Variants in RAB27B observed in about 807,000 individuals in gnomAD.
RAB27B encodes ras-related protein Rab-27B.
A neutral mutation model predicts 24.6 loss-of-function variants in RAB27B; 15 were observed. The ratio of observed to expected loss-of-function variants is 0.61; its 90% CI spans 0.41 to 0.94. The LOEUF (loss-of-function observed/expected upper bound fraction) is 0.94. Among genes scored for constraint, RAB27B ranks in the 40% least tolerant of loss-of-function variants. RAB27B has a pLI of 0.00. For synonymous variants in RAB27B, 105 were observed against 92.5 expected, an observed-to-expected ratio of 1.14 and a Z score of -0.78; for missense variants, 261 against 266.8, an observed-to-expected ratio of 0.98 and a Z score of 0.15.
At chr18:54,873,993 T>C (rs1379014120) in intron 1 of RAB27B, among the ~76,000 whole-genome samples, 1 of 152,138 alleles carries the variant, frequency 6.6e-6, no homozygotes, top group African/African-American at 2.4e-5. Context: ...TGGGCCACAG[T>C]GGAATTGATT....
upstream of RAB27B, among the ~76,000 whole-genome samples, chr18:54,825,673 G>A (rs140041689): frequency 1.3e-4 from 20 of 152,118 alleles, no homozygotes; most frequent in East Asian, 3.9e-3. Context: ...AGTTCATCTT[G>A]TTGAACCACA....
chr18:54,760,067 G>T (rs1390410619), intron 2 of RAB27B, among the ~76,000 whole-genome samples: 1 of 152,150 alleles, frequency 6.6e-6, no homozygotes, highest in Non-Finnish European at 1.5e-5. Context: ...AGCTAAAAGA[G>T]CACACTGTAA....
At chr18:54,860,198 A>G (rs978684105) in intron 1 of RAB27B, among the ~76,000 whole-genome samples, 6 of 152,236 alleles carry the variant, frequency 3.9e-5, no homozygotes, top group African/African-American at 1.4e-4. Flanking sequence ...TCGCGACTGC[A>G]GATAAACATC....
chr18:54,885,902 CAGG>C (rs1236611703), intron 4 of RAB27B: 1 of 153,692 alleles, frequency 6.5e-6, no homozygotes, highest in East Asian at 1.9e-4. Context: ...TCTGACATAG[CAGG>C]AGCAGCAAGT....
chr18:54,770,688 G>A (rs1908516381), intron 2 of RAB27B, among the ~76,000 whole-genome samples: 1 of 151,876 alleles, frequency 6.6e-6, no homozygotes, highest in Non-Finnish European at 1.5e-5. Context: ...TTCGGGGACC[G>A]CTACTCTTTG....
At chr18:54,746,558 T>C (rs1433293521) in intron 2 of RAB27B, among the ~76,000 whole-genome samples, 1 of 152,238 alleles carries the variant, frequency 6.6e-6, no homozygotes, top group African/African-American at 2.4e-5. Flanking sequence ...ATTGTTTTTA[T>C]GTAGTTAACA....
chr18:54,804,884 C>A (rs78537040), intron 2 of RAB27B, among the ~76,000 whole-genome samples: 28,779 of 63,460 alleles, frequency 0.45, 3,573 homozygotes, highest in South Asian at 0.52. Flanking sequence ...TTTTTTCTTT[C>A]TTTCTTTCTC....
rs1909887725 is a variant in RAB27B, at chr18:54,809,216, A to G, written c.-19-68351A>G. 1.3e-5 allele frequency among the ~76,000 whole-genome samples: 2 copies of G among 152,218 alleles called. 1 individual carries two copies. On this transcript the variant is annotated intron_variant, in intron 2 of 4. Transcript: ENST00000586570. Reference sequence around the variant, plus strand: ...GACATATTGTTGTTAGATAGGACACATGACTTGCTCTGAACAGTGGTACGT... The same window carrying G: ...GACATATTGTTGTTAGATAGGACACGTGACTTGCTCTGAACAGTGGTACGT...
At chr18:54,887,417 G>A (rs1245320331) in intron 4 of RAB27B, among the ~76,000 whole-genome samples, 2 of 151,928 alleles carry the variant, frequency 1.3e-5, no homozygotes, top group Non-Finnish European at 2.9e-5. Flanking sequence ...TGTATTATTA[G>A]AAGATATGCT....
chr18:54,736,772 A>T (rs1362802886), intron 2 of RAB27B, among the ~76,000 whole-genome samples: 2 of 152,156 alleles, frequency 1.3e-5, no homozygotes, highest in African/African-American at 4.8e-5. Flanking sequence ...CAGGAAGGAG[A>T]TATCATGTAG....
chr18:54,843,213 A>G (rs1911186954), intron 1 of RAB27B, among the ~76,000 whole-genome samples: 1 of 152,216 alleles, frequency 6.6e-6, no homozygotes. Context: ...CATAACCTGC[A>G]TGGAATTTTT....
chr18:54,795,958 C>T (rs958880682), intron 2 of RAB27B, among the ~76,000 whole-genome samples: 12 of 152,106 alleles, frequency 7.9e-5, no homozygotes, highest in Non-Finnish European at 1.8e-4. Flanking sequence ...AGTATTGAAA[C>T]ATGTATACAC....
At chr18:54,844,408 C>CTTTTTTTTTTTTTTTTTTTT (rs148747981) in intron 1 of RAB27B, among the ~76,000 whole-genome samples, 3 of 107,880 alleles carry the variant, frequency 2.8e-5, no homozygotes, top group Non-Finnish European at 3.8e-5. Context: ...CTTTTCTTTT[C>CTTTTTTTTTTTTTTTTTTTT]TTTTTTTTTT....
chr18:54,785,685 C>A (rs768993272), intron 2 of RAB27B, among the ~76,000 whole-genome samples: 4 of 152,084 alleles, frequency 2.6e-5, no homozygotes, highest in Non-Finnish European at 5.9e-5. Flanking sequence ...CTGTTCTATG[C>A]TCAATGCCTA....
intron 1 of RAB27B, among the ~76,000 whole-genome samples, chr18:54,841,155 G>GGGCT (rs1458205879): frequency 3.0e-5 from 1 of 33,898 alleles, no homozygotes; most frequent in Non-Finnish European, 1.0e-4. Context: ...TTTGGGTGGC[G>GGGCT]GGGCGGTGGG....
At chr18:54,869,350 G>C (rs1043401659) in intron 1 of RAB27B, among the ~76,000 whole-genome samples, 1 of 152,108 alleles carries the variant, frequency 6.6e-6, no homozygotes, top group Admixed American at 6.5e-5. Context: ...TTGAATTCAG[G>C]CAAAATGTCT....
chr18:54,887,850 G>T, intron 4 of RAB27B, 145 bp from the exon 5 acceptor site: 1 of 839,808 alleles, frequency 1.2e-6, no homozygotes, highest in Non-Finnish European at 1.8e-6. Context: ...CATTGTGACT[G>T]GGAAGAGGAA....
chr18:54,853,544 G>GT (rs1911667224), intron 1 of RAB27B, among the ~76,000 whole-genome samples: 1 of 152,166 alleles, frequency 6.6e-6, no homozygotes, highest in African/African-American at 2.4e-5. Flanking sequence ...CAAGGAAATT[G>GT]TAAGTATAGT....
chr18:54,776,754 G>A (rs1278050445), intron 2 of RAB27B, among the ~76,000 whole-genome samples: 4 of 152,176 alleles, frequency 2.6e-5, no homozygotes, highest in Non-Finnish European at 5.9e-5. Flanking sequence ...CACAGTGAAG[G>A]TTTGATGAAT....
Sources: gnomAD v4.1 joint callset for allele counts (sites outside exome capture counted in the v4.1 genomes callset) on GRCh38, gnomAD v4.1.1 for gene constraint, MANE v1.5 for transcripts, NCBI Gene and HGNC (gene_info 2026-07-23, HGNC 2026-07-21) for gene names.